The following FAM193A variants were observed in gnomAD, a reference collection of about 807,000 sequenced individuals.
The protein encoded by FAM193A is family with sequence similarity 193 member A.
Under a neutral mutation model 126.5 loss-of-function variants are expected in FAM193A, and 22 were observed. The ratio of observed to expected loss-of-function variants is 0.17; its 90% CI spans 0.12 to 0.25. The LOEUF is 0.25. Ranked by LOEUF, FAM193A falls within the 10% of genes least tolerant of loss-of-function variation. FAM193A has a pLI of 1.00. For synonymous variants in FAM193A, 761 were observed against 646.8 expected (o/e 1.18, Z -2.68); for missense variants, 1,675 against 1,672.8 (o/e 1.00, Z -0.02).
chr4:2,625,978 C>T lies in FAM193A; in HGVS notation c.636-432C>T, dbSNP rs187973429. ...GACTCAAACGATTAGCCCGTCTTCA[C>T]CTCCCAGAGTGCTGGGATTACAGGC... is the stretch of plus-strand genomic sequence containing the variant. On this transcript the variant is annotated intron_variant, in intron 3 of 20. Coordinates refer to ENST00000637812, the MANE Select transcript of FAM193A (RefSeq NM_001366318.2). Among the ~76,000 whole-genome samples the T allele has an allele frequency of 5.8e-3, 880 of 152,268 alleles. 14 individuals are homozygous for T. The highest frequency in any genetic ancestry group is 8.7e-3 in the Non-Finnish European group (592 of 68,016).
intron 13 of FAM193A, among the ~76,000 whole-genome samples, chr4:2,680,768 T>C (rs1715013945): frequency 1.3e-5 from 2 of 151,772 alleles, no homozygotes; most frequent in Admixed American, 6.6e-5. Context: ...CAGCCTCCCA[T>C]ATAGTTGGGA....
intron 7 of FAM193A, among the ~76,000 whole-genome samples, chr4:2,651,683 A>G (rs568144212): frequency 1.6e-4 from 25 of 152,340 alleles, no homozygotes; most frequent in South Asian, 1.0e-3. Flanking sequence ...AACCATATCA[A>G]TGTGACAGGT....
intron 2 of FAM193A, among the ~76,000 whole-genome samples, chr4:2,620,875 G>A (rs1277709644): frequency 3.5e-5 from 5 of 142,510 alleles, no homozygotes; most frequent in Non-Finnish European, 4.6e-5. Context: ...AACAAGTAGC[G>A]ACAGGTCAGC....
chr4:2,550,348 G>C (rs556504411), intron 1 of FAM193A, among the ~76,000 whole-genome samples: 7 of 148,752 alleles, frequency 4.7e-5, no homozygotes, highest in African/African-American at 7.4e-5. Flanking sequence ...ACCCAGCCTA[G>C]ACTGTTTAAG....
chr4:2,650,632 G>T (rs1242260731), intron 7 of FAM193A, among the ~76,000 whole-genome samples: 2 of 152,182 alleles, frequency 1.3e-5, no homozygotes, highest in Non-Finnish European at 2.9e-5. Context: ...GGAAGCACGT[G>T]AAAGGCTCCT....
intron 18 of FAM193A, among the ~76,000 whole-genome samples, chr4:2,698,503 A>C (rs749650427): frequency 2.6e-4 from 40 of 152,242 alleles, no homozygotes; most frequent in Non-Finnish European, 5.1e-4. Flanking sequence ...TGTCAAATGA[A>C]ATTTTTAATA....
At chr4:2,592,162 G>T (rs1740607150) in intron 1 of FAM193A, among the ~76,000 whole-genome samples, 1 of 152,018 alleles carries the variant, frequency 6.6e-6, no homozygotes, top group East Asian at 1.9e-4. Context: ...CGCGATATCC[G>T]CTTGCCGCAA....
intron 19 of FAM193A, chr4:2,715,432 G>A: frequency 1.1e-6 from 1 of 873,984 alleles, no homozygotes; most frequent in Non-Finnish European, 1.4e-6. Context: ...CTGGGTGACA[G>A]AATGAGACTT....
intron 12 of FAM193A, among the ~76,000 whole-genome samples, chr4:2,671,012 CT>C (rs1317912049): frequency 6.6e-6 from 1 of 152,066 alleles, no homozygotes; most frequent in Admixed American, 6.6e-5. Flanking sequence ...GAGGTCTGCC[CT>C]TTGTCCACCT....
intron 2 of FAM193A, among the ~76,000 whole-genome samples, chr4:2,611,771 T>C (rs1741888829): frequency 6.6e-6 from 1 of 152,144 alleles, no homozygotes; most frequent in African/African-American, 2.4e-5. Flanking sequence ...TCTCAGCGTG[T>C]GACTGGCATT....
At chr4:2,646,950 C>T (rs988655595) in intron 7 of FAM193A, 118 bp downstream of exon 7, 9 of 1,146,682 alleles carry the variant, frequency 7.8e-6, no homozygotes, top group Non-Finnish European at 1.1e-5. Flanking sequence ...GACTGAGGCC[C>T]AGAGGCGCAT....
At chr4:2,696,278 A>T (rs1326006904) in intron 17 of FAM193A, 85 bp from the exon 18 acceptor site, 1 of 862,812 alleles carries the variant, frequency 1.2e-6, no homozygotes, top group East Asian at 2.5e-5. Flanking sequence ...TGAGTAATAA[A>T]ACAGTTTATT....
chr4:2,646,206 G>T (rs1207739603), intron 6 of FAM193A, among the ~76,000 whole-genome samples: 1 of 109,244 alleles, frequency 9.2e-6, no homozygotes, highest in Non-Finnish European at 1.7e-5. Flanking sequence ...TTCTCGCTCT[G>T]TTGCCCAGGC....
At chr4:2,714,181 T>G (rs936178000) in intron 19 of FAM193A, among the ~76,000 whole-genome samples, 4 of 152,096 alleles carry the variant, frequency 2.6e-5, no homozygotes, top group African/African-American at 2.4e-5. Flanking sequence ...CTGTAAATGC[T>G]CCGGCCCTCT....
At chr4:2,638,996 A>G (rs558977622) in intron 5 of FAM193A, among the ~76,000 whole-genome samples, 1 of 152,366 alleles carries the variant, frequency 6.6e-6, no homozygotes, top group African/African-American at 2.4e-5. Flanking sequence ...TCTGAACACA[A>G]GTAGTGTCCG....
chr4:2,601,972 G>A (rs935790938), intron 2 of FAM193A, among the ~76,000 whole-genome samples: 1 of 151,898 alleles, frequency 6.6e-6, no homozygotes. Context: ...CTGGGTAGCT[G>A]GGACTACAGG....
intron 19 of FAM193A, among the ~76,000 whole-genome samples, chr4:2,703,009 C>G (rs779465945): frequency 2.0e-5 from 3 of 151,978 alleles, no homozygotes; most frequent in Non-Finnish European, 2.9e-5. Flanking sequence ...CTGTAGGTAA[C>G]TAATCAGTTT....
intron 16 of FAM193A, among the ~76,000 whole-genome samples, chr4:2,694,095 T>G (rs1366528927): frequency 6.6e-6 from 1 of 152,182 alleles, no homozygotes; most frequent in Non-Finnish European, 1.5e-5. Flanking sequence ...TGGGCCGCCA[T>G]GGATAGGTGG....
intron 1 of FAM193A, among the ~76,000 whole-genome samples, chr4:2,555,568 C>T (rs534209846): frequency 5.6e-4 from 86 of 152,266 alleles, no homozygotes; most frequent in African/African-American, 1.8e-3. Context: ...CCCTTGAGCC[C>T]GGGATTTTGA....
Sources: gnomAD v4.1 joint callset for allele counts (sites outside exome capture counted in the v4.1 genomes callset) on GRCh38, gnomAD v4.1.1 for gene constraint, MANE v1.5 for transcripts, NCBI Gene and HGNC (gene_info 2026-07-23, HGNC 2026-07-21) for gene names.